The following VPS35 variants were observed in gnomAD, a reference collection of about 807,000 sequenced individuals.
The protein encoded by VPS35 is vacuolar protein sorting-associated protein 35.
Under a neutral mutation model 98.1 loss-of-function variants are expected in VPS35, and 21 were observed. The observed-to-expected ratio is 0.21, with a 90% CI of 0.15 to 0.31. The LOEUF (loss-of-function observed/expected upper bound fraction) is 0.31. Among genes scored for constraint, VPS35 ranks in the 10% least tolerant of loss-of-function variants. The pLI is 1.00. For missense variants in VPS35, 554 were observed against 950.8 expected (o/e 0.58, Z 5.49); for synonymous variants, 268 against 318.2 (o/e 0.84, Z 1.68).
chr16:46,666,648 A>C (rs1965994320), intron 13 of VPS35, among the ~76,000 whole-genome samples: 1 of 152,198 alleles, frequency 6.6e-6, no homozygotes, highest in African/African-American at 2.4e-5. Context: ...TTCTACATAT[A>C]AATGAAGTCA....
intron 2 of VPS35, chr16:46,683,226 T>A (rs1207371661): frequency 8.5e-6 from 4 of 473,136 alleles, no homozygotes; most frequent in Non-Finnish European, 1.6e-5. Context: ...GGTGTGGTAA[T>A]AATACAGTAA....
At chr16:46,662,526 C>G (rs769781944) in intron 14 of VPS35, 44 bp from the exon 15 acceptor site, 2 of 1,608,266 alleles carry the variant, frequency 1.2e-6, no homozygotes, top group Non-Finnish European at 1.7e-6. Flanking sequence ...ACCAACCATC[C>G]TCTAGTTGAG....
chr16:46,679,251 C>T, intron 5 of VPS35, 95 bp from the exon 6 acceptor site: 1 of 1,103,098 alleles, frequency 9.1e-7, no homozygotes. Flanking sequence ...CTCTATAGTA[C>T]ACCAATGCTT....
chr16:46,685,981 A>C (rs1405575026), intron 1 of VPS35, among the ~76,000 whole-genome samples: 1 of 152,166 alleles, frequency 6.6e-6, no homozygotes, highest in East Asian at 1.9e-4. Context: ...ACATTAATAC[A>C]ATTACCACCA....
intron 13 of VPS35, among the ~76,000 whole-genome samples, chr16:46,665,585 T>C (rs950637100): frequency 2.6e-5 from 2 of 77,392 alleles, no homozygotes; most frequent in African/African-American, 8.7e-5. Flanking sequence ...ACAAAGACCT[T>C]GACTCAAAAA....
chr16:46,678,901 T>A (rs1966191429), intron 6 of VPS35, 42 bp downstream of exon 6: 1 of 1,586,224 alleles, frequency 6.3e-7, no homozygotes, highest in Non-Finnish European at 8.6e-7. Context: ...CAGATTTCAG[T>A]TTATCTCTGA....
chr16:46,682,107 C>T lies in VPS35; in HGVS notation c.171G>A (p.Met57Ile), dbSNP rs183554824. Residue 57 changes from methionine (M) to isoleucine (I), a missense_variant, in exon 3 of 17, where the codon ATG (methionine) becomes ATA (isoleucine). Transcript: ENST00000299138. The part of the protein sequence containing the change: ...SNMLGELRTS[M>I]LSPKSYYELY... ...GTTCATAGTAACTCTTTGGTGATAA[C>T]ATAGAAGTCCGGAGTTCACCAAGCA... 7.3e-5 allele frequency: 117 copies of T among 1,613,254 alleles called. No homozygotes were observed. Among genetic ancestry groups the T allele is most frequent in the Non-Finnish European group, 9.7e-5 (114 of 1,179,486 alleles).
At chr16:46,687,627 C>A (rs1966338047) in intron 1 of VPS35, among the ~76,000 whole-genome samples, 1 of 152,098 alleles carries the variant, frequency 6.6e-6, no homozygotes, top group Non-Finnish European at 1.5e-5. Flanking sequence ...CGTGTCTCCC[C>A]CAGTAGCCTC....
At chr16:46,680,949 C>G in intron 4 of VPS35, 96 bp from the exon 5 acceptor site, 1 of 1,310,034 alleles carries the variant, frequency 7.6e-7, no homozygotes, top group African/African-American at 1.5e-5. Context: ...ATAAACAAGA[C>G]AGGAACCATG....
rs1315576596 is a variant in VPS35 at position 46,661,939 on chromosome 16, G to A, written c.2068-78C>T. 8 of 1,585,272 alleles carry A rather than the reference G, an allele frequency of 5.0e-6. No individual in the cohort carries two copies. Among genetic ancestry groups the A allele is most frequent in the Admixed American group, 3.4e-5 (2 of 58,060 alleles). ...TCATACAAAGAAACACAACACTACCGTGGCTCTTTCGTGTTTTAAAGGGAC... is the reference window on the plus strand; with the variant it reads ...TCATACAAAGAAACACAACACTACCATGGCTCTTTCGTGTTTTAAAGGGAC... On this transcript the variant is annotated intron_variant, in intron 15 of 16. Coordinates refer to ENST00000299138, the MANE Select transcript of VPS35 (RefSeq NM_018206.6). The surrounding 1 kb of genome is among the most constrained non-coding windows in gnomAD (Gnocchi z 4.3).
chr16:46,682,575 A>G (rs1966250793), intron 2 of VPS35: 2 of 184,286 alleles, frequency 1.1e-5, no homozygotes, highest in Admixed American at 5.4e-5. Context: ...GCTGTCTGAA[A>G]TGACTATCCA....
In VPS35 at chr16:46,679,018, T is replaced by C. The variant is rs753336800; in HGVS notation, c.645A>G (p.Glu215=). The C allele has an allele frequency of 1.9e-6, 3 of 1,614,164 alleles. No individual in the cohort carries two copies. In the South Asian group the frequency reaches 3.3e-5, roughly 18 times the overall value. The change falls in exon 6 of 17, where the codon GAA becomes GAG. Residue 215 remains glutamate (E), a synonymous_variant. Coordinates refer to ENST00000299138, the MANE Select transcript of VPS35 (RefSeq NM_018206.6). The part of the protein sequence containing the change: ...DREKRERERQ[E]LRILVGTNLV... ...AATTTGTTCCCACTAAAATTCTCAG[T>C]TCTTGTCTTTCTCGTTCTCTTTTTT...
intron 6 of VPS35, among the ~76,000 whole-genome samples, chr16:46,678,433 T>C (rs1487544249): frequency 1.3e-5 from 2 of 152,148 alleles, no homozygotes; most frequent in Admixed American, 6.5e-5. Flanking sequence ...ACAGCACATG[T>C]CTTACAAAGC....
intron 5 of VPS35, among the ~76,000 whole-genome samples, chr16:46,679,863 A>G (rs1424743031): frequency 6.6e-6 from 1 of 152,186 alleles, no homozygotes; most frequent in African/African-American, 2.4e-5. Flanking sequence ...TACTGTTTTA[A>G]AAGAAATTGA....
chr16:46,662,149 C>A, intron 15 of VPS35, 94 bp downstream of exon 15: 1 of 1,602,566 alleles, frequency 6.2e-7, no homozygotes, highest in Non-Finnish European at 8.5e-7. Context: ...GATTTCCAAG[C>A]ACCCCAAATG....
intron 13 of VPS35, 67 bp downstream of exon 13, chr16:46,668,863 A>G (rs1966026827): frequency 1.3e-6 from 2 of 1,588,840 alleles, no homozygotes; most frequent in African/African-American, 2.7e-5. Flanking sequence ...AATATAAAAC[A>G]AACACACACA....
chr16:46,671,648 T>G, intron 12 of VPS35, 57 bp downstream of exon 12: 1 of 1,608,966 alleles, frequency 6.2e-7, no homozygotes, highest in Non-Finnish European at 8.5e-7. Context: ...TTTAAGCACT[T>G]GAACATGTGA....
At chr16:46,672,762 G>A (rs768457775) in intron 10 of VPS35, among the ~76,000 whole-genome samples, 14 of 152,202 alleles carry the variant, frequency 9.2e-5, no homozygotes, top group Non-Finnish European at 1.9e-4. Flanking sequence ...TCTAGAATTT[G>A]ATGACATTTC....
rs1051380103 is a variant in VPS35 at position 46,657,049 on chromosome 16, A to G, written c.*3423T>C. On this transcript the variant is annotated 3_prime_UTR_variant, in exon 17 of 17. Transcript: ENST00000299138. The stretch of plus-strand genomic sequence containing the variant: ...GTCCCTCTCCAGAGATTTTGGAAGC[A>G]TGGACCATTTTGTTGGACAATGCAG... 1 of 152,244 alleles carries G rather than the reference A, an allele frequency of 6.6e-6. No individual in the cohort carries two copies. Among genetic ancestry groups the G allele is most frequent in the South Asian group, 2.1e-4 (1 of 4,834 alleles). The allele number at this position is 152,244 out of a possible 1,614,324, so 9.4% of individuals were successfully genotyped here.
Sources: gnomAD v4.1 joint callset for allele counts (sites outside exome capture counted in the v4.1 genomes callset) on GRCh38, gnomAD v4.1.1 for gene constraint, Gnocchi (gnomAD v3.1) non-coding constraint, MANE v1.5 for transcripts, NCBI Gene and HGNC (gene_info 2026-07-23, HGNC 2026-07-21) for gene names.